APLP2: variants seen among roughly 807,000 people sequenced by gnomAD.
APLP2 encodes amyloid beta precursor like protein 2.
A neutral mutation model predicts 89.9 loss-of-function variants in APLP2; 53 were observed. The observed-to-expected ratio is 0.59, with a 90% CI of 0.47 to 0.74. APLP2 has a LOEUF of 0.74. Among genes scored for constraint, APLP2 ranks in the 30% least tolerant of loss-of-function variants. APLP2 has a pLI of 0.00. For missense variants in APLP2, 973 were observed against 975.9 expected (o/e 1.00, Z 0.04); for synonymous variants, 372 against 348.6 (o/e 1.07, Z -0.75).
intron 1 of APLP2, among the ~76,000 whole-genome samples, chr11:130,084,850 AC>A (rs1421495997): frequency 6.6e-6 from 1 of 152,234 alleles, no homozygotes; most frequent in African/African-American, 2.4e-5. Context: ...ATAGAAAAAA[AC>A]AATAGAAAAA....
intron 16 of APLP2, among the ~76,000 whole-genome samples, 162 bp from the exon 17 acceptor site, chr11:130,143,185 C>T (rs187655920): frequency 6.6e-6 from 1 of 152,198 alleles, no homozygotes; most frequent in Non-Finnish European, 1.5e-5. Context: ...TTTCTTTCTC[C>T]TGTGTTTCAC....
At chr11:130,077,347 G>A (rs1942313295) in intron 1 of APLP2, among the ~76,000 whole-genome samples, 1 of 152,164 alleles carries the variant, frequency 6.6e-6, no homozygotes, top group South Asian at 2.1e-4. Context: ...ATTTCGCCTA[G>A]ATAAGAAAAT....
chr11:130,123,666 G>T lies in APLP2; in HGVS notation c.977G>T (p.Trp326Leu). ...TGPCRAVMPR[W>L]YFDLSKGKCV... Reference sequence around the variant, plus strand: ...CCCTGCCGGGCCGTGATGCCTCGTTGGTACTTCGACCTCTCCAAGGGAAAG... The same window carrying T: ...CCCTGCCGGGCCGTGATGCCTCGTTTGTACTTCGACCTCTCCAAGGGAAAG... Residue 326 changes from tryptophan to leucine, a missense_variant, in exon 7 of 17, where the codon TGG (tryptophan) becomes TTG (leucine). Transcript: ENST00000338167. The surrounding 1 kb of genome is among the most constrained non-coding windows in gnomAD (Gnocchi z 4.0). 6.2e-7 allele frequency: 1 copy of T among 1,614,268 alleles called. No homozygotes were observed. Among genetic ancestry groups the T allele is most frequent in the Non-Finnish European group, 8.5e-7 (1 of 1,180,044 alleles).
chr11:130,119,181 G>A (rs771957081), intron 3 of APLP2, among the ~76,000 whole-genome samples: 1 of 152,104 alleles, frequency 6.6e-6, no homozygotes, highest in East Asian at 1.9e-4. Context: ...TATTTTCAGG[G>A]TTTTCCCCCC....
At chr11:130,088,891 C>A (rs1186109892) in intron 1 of APLP2, among the ~76,000 whole-genome samples, 1 of 151,958 alleles carries the variant, frequency 6.6e-6, no homozygotes, top group Non-Finnish European at 1.5e-5. Flanking sequence ...ATTCTTCCAG[C>A]CTGGTAATGA....
intron 1 of APLP2, chr11:130,070,758 C>A (rs974901131): frequency 1.1e-5 from 16 of 1,418,970 alleles, no homozygotes; most frequent in East Asian, 3.0e-5. Flanking sequence ...GTGCGTTGAC[C>A]GCTTTCGTGA....
chr11:130,074,294 C>G (rs543526549), intron 1 of APLP2, among the ~76,000 whole-genome samples: 1 of 152,282 alleles, frequency 6.6e-6, no homozygotes, highest in East Asian at 1.9e-4. Flanking sequence ...CGGCTTACTG[C>G]AACCTCCGTT....
rs913067978 is a variant in APLP2 at position 130,101,922 on chromosome 11, T to C, written c.106-7507T>C. 1.1e-5 allele frequency: 5 copies of C among 456,002 alleles called. No homozygotes were observed. In the East Asian group the frequency reaches 2.8e-4, roughly 25 times the overall value. The allele number at this position is 456,002 out of a possible 1,614,324, so 28.2% of individuals were successfully genotyped here. A position where few individuals can be genotyped will look rare whatever the true frequency, so the allele number is the denominator to read the frequency against. Reference sequence around the variant, plus strand: ...CATTGCATTTACTTGTCATTTCTGCTTAGTCTTCTCAGATCTGTTGCAGTC... The same window carrying C: ...CATTGCATTTACTTGTCATTTCTGCCTAGTCTTCTCAGATCTGTTGCAGTC... On this transcript the variant is annotated intron_variant, in intron 1 of 16. Coordinates refer to ENST00000338167, the MANE Select transcript of APLP2 (RefSeq NM_001142276.2).
At chr11:130,087,865 A>C (rs1227109915) in intron 1 of APLP2, among the ~76,000 whole-genome samples, 1 of 152,250 alleles carries the variant, frequency 6.6e-6, no homozygotes, top group Non-Finnish European at 1.5e-5. Context: ...ATTGTTTTGC[A>C]AGATTAATCT....
rs74607795 is a variant in APLP2, at chr11:130,129,375, T to C, written c.1455+169T>C. On this transcript the variant is annotated intron_variant, in intron 10 of 16. Coordinates refer to ENST00000338167, the MANE Select transcript of APLP2 (RefSeq NM_001142276.2). ...TATTACATTCTAATATCTGTGTATA[T>C]AAGCTAAGCATGACATCGCTTTATG... is the stretch of plus-strand genomic sequence containing the variant. 2.4e-3 allele frequency among the ~76,000 whole-genome samples: 361 copies of C among 152,348 alleles called. 2 individuals are homozygous for C. The highest frequency in any genetic ancestry group is 8.2e-3 in the African/African-American group (342 of 41,586).
At chr11:130,071,243 C>A (rs1017267305) in intron 1 of APLP2, among the ~76,000 whole-genome samples, 1 of 152,184 alleles carries the variant, frequency 6.6e-6, no homozygotes, top group African/African-American at 2.4e-5. Flanking sequence ...TTTACTTCTA[C>A]AGAATGTTCA....
At chr11:130,140,602 G>C (rs1240835859) in intron 14 of APLP2, 119 bp downstream of exon 14, 1 of 726,416 alleles carries the variant, frequency 1.4e-6, no homozygotes, top group Non-Finnish European at 2.1e-6. Flanking sequence ...CACAGTAGAA[G>C]GTTGGAGGGC....
chr11:130,132,944 C>T lies in APLP2; in HGVS notation c.1585-685C>T, dbSNP rs537419123. 1.1e-4 allele frequency among the ~76,000 whole-genome samples: 17 copies of T among 151,358 alleles called. No individual in the cohort carries two copies. The South Asian group carries it at 2.3e-3, about 20-fold the overall frequency. On this transcript the variant is annotated intron_variant, in intron 11 of 16. Transcript: ENST00000338167. The stretch of plus-strand genomic sequence containing the variant: ...TGACTCTTCTTTCACTCAGCAAAAC[C>T]TTACTGAACATTCGGCATTGTACAA...
chr11:130,095,776 A>G (rs1565565052), intron 1 of APLP2, among the ~76,000 whole-genome samples: 1 of 152,238 alleles, frequency 6.6e-6, no homozygotes, highest in Non-Finnish European at 1.5e-5. Context: ...AGACTAGTAC[A>G]CTGTTGATTT....
chr11:130,130,035 C>A lies in APLP2; in HGVS notation c.1456-3C>A, dbSNP rs757094885. 5.6e-6 allele frequency: 9 copies of A among 1,613,916 alleles called. No individual in the cohort carries two copies. The African/African-American group carries it at 1.2e-4, about 22-fold the overall frequency. On this transcript the variant is annotated splice_polypyrimidine_tract_variant and splice_region_variant and intron_variant, in intron 10 of 16. Transcript: ENST00000338167. Reference sequence around the variant, plus strand: ...ATATTAAAACAACTGTTCTCTCTTGCAGCCTCATCGCATTCTCCAGGCCTT... The same window carrying A: ...ATATTAAAACAACTGTTCTCTCTTGAAGCCTCATCGCATTCTCCAGGCCTT...
intron 1 of APLP2, chr11:130,082,633 T>A (rs976615612): frequency 6.3e-6 from 1 of 158,518 alleles, no homozygotes; most frequent in Non-Finnish European, 1.4e-5. Context: ...ATGTGTTTTG[T>A]TTTGAATAAC....
intron 7 of APLP2, among the ~76,000 whole-genome samples, chr11:130,124,472 G>GTT (rs1205223601): frequency 1.3e-5 from 2 of 152,100 alleles, no homozygotes; most frequent in Admixed American, 6.5e-5. Context: ...GGTAGAAAGA[G>GTT]TTTCTACCAA....
chr11:130,091,886 G>C (rs1321243488), intron 1 of APLP2, among the ~76,000 whole-genome samples: 3 of 141,546 alleles, frequency 2.1e-5, no homozygotes, highest in African/African-American at 8.8e-5. Context: ...CTTCCCAGAT[G>C]GGGTGGCTGC....
At chr11:130,080,852 G>A (rs79383168) in intron 1 of APLP2, among the ~76,000 whole-genome samples, 16,760 of 150,400 alleles carry the variant, frequency 0.11, 1,182 homozygotes, top group East Asian at 0.25. Flanking sequence ...GCCCGCCACC[G>A]TGCCTGGCTA....
Sources: allele counts gnomAD v4.1 joint callset (sites outside exome capture counted in the v4.1 genomes callset), GRCh38; gene constraint gnomAD v4.1.1; non-coding constraint Gnocchi (gnomAD v3.1); transcripts MANE v1.5; gene names NCBI Gene and HGNC (gene_info 2026-07-23, HGNC 2026-07-21).